DOK7: variants seen among roughly 807,000 people sequenced by gnomAD.
The protein encoded by DOK7 is docking protein 7, also known as protein Dok-7.
In DOK7, 32 loss-of-function variants were observed where a neutral mutation model predicts 30.7. That is an observed-to-expected ratio of 1.04 (90% confidence interval 0.79 to 1.40). DOK7 has a LOEUF of 1.40. Ranked by LOEUF, DOK7 falls within the 40% of genes most tolerant of loss-of-function variation. The pLI is 0.00. For missense variants in DOK7, 1,007 were observed against 699.2 expected (o/e 1.44, Z -4.97); for synonymous variants, 447 against 324.1 (o/e 1.38, Z -4.07).
intron 2 of DOK7, among the ~76,000 whole-genome samples, chr4:3,468,750 C>A (rs374699832): frequency 2.3e-5 from 2 of 87,918 alleles, no homozygotes; most frequent in African/African-American, 1.2e-4. Context: ...GTGTATGTGT[C>A]TGTGTGCGTG....
chr4:3,493,989 C>A lies in DOK7; in HGVS notation c.*488C>A. 1.0e-6 allele frequency: 1 copy of A among 973,294 alleles called. No homozygotes were observed. Among genetic ancestry groups the A allele is most frequent in the Non-Finnish European group, 1.2e-6 (1 of 828,752 alleles). 60.3% of individuals were successfully genotyped at this position (973,294 alleles called of 1,614,324 possible). A position where few individuals can be genotyped will look rare whatever the true frequency, so the allele number is the denominator to read the frequency against. ...CTCCGGCCACCTGGGCTCCACCAGCCCAGCCCCCCTGGGCTCCGTGTGCGC... is the reference window on the plus strand; with the variant it reads ...CTCCGGCCACCTGGGCTCCACCAGCACAGCCCCCCTGGGCTCCGTGTGCGC... On this transcript the variant is annotated 3_prime_UTR_variant, in exon 7 of 7. Transcript: ENST00000340083.
intron 5 of DOK7, among the ~76,000 whole-genome samples, chr4:3,486,024 G>A (rs1158519963): frequency 3.3e-5 from 5 of 151,970 alleles, no homozygotes; most frequent in African/African-American, 1.2e-4. Context: ...GGAAGGCCTT[G>A]CCCGAGCTCG....
chr4:3,485,392 G>A (rs551146968), intron 4 of DOK7, 147 bp from the exon 5 acceptor site: 39 of 1,112,640 alleles, frequency 3.5e-5, no homozygotes, highest in Non-Finnish European at 4.1e-5. Context: ...GCGGGGTGTC[G>A]GCTCTGGGCA....
At chr4:3,481,256 C>T (rs1013547874) in intron 4 of DOK7, among the ~76,000 whole-genome samples, 2 of 151,944 alleles carry the variant, frequency 1.3e-5, no homozygotes, top group African/African-American at 4.8e-5. Flanking sequence ...ATGTTGACCC[C>T]GGGGTGCAGA....
chr4:3,464,425 C>T (rs987872450), intron 2 of DOK7, among the ~76,000 whole-genome samples: 4 of 152,228 alleles, frequency 2.6e-5, no homozygotes, highest in Non-Finnish European at 4.4e-5. Context: ...CTGGACTGCA[C>T]GCTGGTCACT....
Position 3,493,642 on chromosome 4 carries a change from G to A in DOK7, c.*141G>A. 2 of 1,468,548 alleles carry A rather than the reference G, an allele frequency of 1.4e-6. No homozygotes were observed. The highest frequency in any genetic ancestry group is 1.8e-6 in the Non-Finnish European group (2 of 1,108,228). The allele number at this position is 1,468,548 out of a possible 1,614,324, so 91.0% of individuals were successfully genotyped here. A position where few individuals can be genotyped will look rare whatever the true frequency, so the allele number is the denominator to read the frequency against. On this transcript the variant is annotated 3_prime_UTR_variant, in exon 7 of 7. Coordinates refer to ENST00000340083, the MANE Select transcript of DOK7 (RefSeq NM_173660.5). ...GGGTCTCCCGGAGAGGGGAGCTGGA[G>A]GGCGCGCCCTGTGGCTGCCACCGGA... is the stretch of plus-strand genomic sequence containing the variant.
At chr4:3,489,433 A>T (rs902522929) in intron 5 of DOK7, among the ~76,000 whole-genome samples, 1 of 152,130 alleles carries the variant, frequency 6.6e-6, no homozygotes, top group African/African-American at 2.4e-5. Flanking sequence ...GTGAGTGGGC[A>T]GGTGGCAGGG....
chr4:3,483,580 G>A (rs994383477), intron 4 of DOK7, among the ~76,000 whole-genome samples: 2 of 152,214 alleles, frequency 1.3e-5, no homozygotes, highest in Non-Finnish European at 2.9e-5. Context: ...CCGGTTGACC[G>A]TGTCTTCGGG....
chr4:3,488,604 T>C (rs1218487449), intron 5 of DOK7, among the ~76,000 whole-genome samples: 2 of 152,206 alleles, frequency 1.3e-5, no homozygotes. Flanking sequence ...CTCTGTGCGC[T>C]GCAGAATTTG....
In DOK7 at chr4:3,493,493, C is replaced by T; in HGVS notation, c.1507C>T (p.Pro503Ser). ...PVCGGLKVNP[P>S]P ...CTGTGGAGGACTCAAGGTAAACCCC[C>T]CTCCTTGAGAGCCGCAGATCCCGCC... The change falls in exon 7 of 7, where the codon CCT becomes TCT. Residue 503 changes from proline (P) to serine (S), a missense_variant. Transcript: ENST00000340083. The T allele has an allele frequency of 1.2e-6, 2 of 1,611,192 alleles. No homozygotes were observed. Among genetic ancestry groups the T allele is most frequent in the Non-Finnish European group, 1.7e-6 (2 of 1,179,352 alleles).
chr4:3,463,689 G>A lies in DOK7; in HGVS notation c.100+138G>A, dbSNP rs1726109856. 11 of 1,148,796 alleles carry A rather than the reference G, an allele frequency of 9.6e-6. No individual in the cohort carries two copies. The East Asian group carries it at 1.6e-4, about 17-fold the overall frequency. 71.2% of individuals were successfully genotyped at this position (1,148,796 alleles called of 1,614,324 possible). ...AAACCCGAGAGCCCCGTGCGGACCC[G>A]GACCCCCCGGCGCCCCTGGGAGCGC... On this transcript the variant is annotated intron_variant, in intron 2 of 6. Transcript: ENST00000340083.
chr4:3,500,360 C>T (rs1577193894), exon 7 of DOK7: 1 of 1,535,948 alleles, frequency 6.5e-7, no homozygotes, highest in Non-Finnish European at 8.7e-7. Context: ...AGCAGCTGCA[C>T]TACATGGGCC....
At chr4:3,481,447 G>GCCC (rs773764673) in intron 4 of DOK7, among the ~76,000 whole-genome samples, 10,140 of 152,042 alleles carry the variant, frequency 0.067, 601 homozygotes, top group African/African-American at 0.16. Flanking sequence ...GGAAGGGGGG[G>GCCC]CCTTCTAGAG....
chr4:3,468,839 G>A (rs917652111), intron 2 of DOK7, among the ~76,000 whole-genome samples: 8 of 149,968 alleles, frequency 5.3e-5, no homozygotes, highest in African/African-American at 1.2e-4. Flanking sequence ...GTGTGTGTGC[G>A]TGTATGTGTG....
downstream of DOK7, among the ~76,000 whole-genome samples, chr4:3,495,978 G>T (rs768742467): frequency 6.6e-6 from 1 of 152,206 alleles, no homozygotes; most frequent in Non-Finnish European, 1.5e-5. Flanking sequence ...AGTGCTAGGT[G>T]CTGAGCCCCC....
At position 3,492,968 on chromosome 4, in the gene DOK7, C is replaced by T; in HGVS notation, c.982C>T (p.Gln328Ter). The T allele has an allele frequency of 6.4e-7, 1 of 1,553,380 alleles. No individual in the cohort carries two copies. Among genetic ancestry groups the T allele is most frequent in the African/African-American group, 1.4e-5 (1 of 73,836 alleles). The change falls in exon 7 of 7, where the codon CAG (glutamine) becomes TAG (stop). Residue 328 changes from glutamine (Q) to a stop codon, truncating the protein, a stop_gained. Coordinates refer to ENST00000340083, the MANE Select transcript of DOK7 (RefSeq NM_173660.5). LOFTEE classifies it low-confidence loss of function (END_TRUNC). ...PPKPLRPRQL[Q>*]EVGRQSSSDS... ...CAAGCCGCTGCGTCCGCGGCAGCTGCAGGAGGTTGGCCGCCAGAGCTCCTC... is the reference window on the plus strand; with the variant it reads ...CAAGCCGCTGCGTCCGCGGCAGCTGTAGGAGGTTGGCCGCCAGAGCTCCTC...
intron 5 of DOK7, among the ~76,000 whole-genome samples, chr4:3,487,638 G>A (rs1409210854): frequency 6.6e-6 from 1 of 152,204 alleles, no homozygotes; most frequent in Non-Finnish European, 1.5e-5. Flanking sequence ...GGGGTGCACC[G>A]TTGCTGCACC....
At chr4:3,463,589 A>G (rs1288102743) in intron 2 of DOK7, 38 bp downstream of exon 2, 5 of 1,518,202 alleles carry the variant, frequency 3.3e-6, no homozygotes, top group Non-Finnish European at 4.4e-6. Flanking sequence ...GCGCGGGGGT[A>G]GCGACACGGG....
At chr4:3,487,824 T>G (rs978414923) in intron 5 of DOK7, among the ~76,000 whole-genome samples, 2 of 152,186 alleles carry the variant, frequency 1.3e-5, no homozygotes, top group Non-Finnish European at 1.5e-5. Context: ...GCATTGGCTT[T>G]GAGGGTGGCC....
Sources: gnomAD v4.1 joint callset for allele counts (sites outside exome capture counted in the v4.1 genomes callset) on GRCh38, gnomAD v4.1.1 for gene constraint, MANE v1.5 for transcripts, NCBI Gene and HGNC (gene_info 2026-07-23, HGNC 2026-07-21) for gene names.